LRBA: variants seen among roughly 807,000 people sequenced by gnomAD.
The protein encoded by LRBA is lipopolysaccharide-responsive and beige-like anchor protein.
In LRBA, 176 loss-of-function variants were observed where a neutral mutation model predicts 330.0. That is an observed-to-expected ratio of 0.53 (90% CI 0.47 to 0.60). LRBA has a LOEUF of 0.60. LRBA is among the 20% of genes least tolerant of loss of function. The pLI is 0.00. For missense variants in LRBA, 3,259 were observed against 3,444.8 expected, an observed-to-expected ratio of 0.95 and a Z score of 1.35; for synonymous variants, 1,230 against 1,193.0, an observed-to-expected ratio of 1.03 and a Z score of -0.64.
At chr4:150,472,852 C>G (rs1756300794) in intron 42 of LRBA, among the ~76,000 whole-genome samples, 1 of 151,994 alleles carries the variant, frequency 6.6e-6, no homozygotes, top group African/African-American at 2.4e-5. Flanking sequence ...TGACTAGTAT[C>G]CCACTGTATA....
At chr4:150,797,112 G>C (rs952403964) in intron 34 of LRBA, among the ~76,000 whole-genome samples, 5 of 151,824 alleles carry the variant, frequency 3.3e-5, no homozygotes, top group Non-Finnish European at 5.9e-5. Context: ...ACAATGCATA[G>C]TATTGATTTT....
intron 2 of LRBA, among the ~76,000 whole-genome samples, chr4:150,950,630 T>C (rs1480443758): frequency 2.0e-5 from 3 of 152,200 alleles, no homozygotes; most frequent in Admixed American, 1.3e-4. Context: ...AATATCCTTA[T>C]GTAGGGAGAT....
intron 41 of LRBA, among the ~76,000 whole-genome samples, chr4:150,489,490 A>T (rs1451166349): frequency 2.2e-4 from 16 of 73,174 alleles, no homozygotes; most frequent in African/African-American, 6.0e-4. Flanking sequence ...AAGAATATAT[A>T]ATATATTATA....
rs1579168896 is a variant in LRBA, at chr4:150,908,746, C to T, written c.1273G>A (p.Ala425Thr). Residue 425 changes from alanine to threonine, a missense_variant, in exon 10 of 57, where the codon GCT becomes ACT. Ala to Thr is a moderately conservative substitution (Grantham distance 58). Transcript: ENST00000651943. The part of the protein sequence containing the change: ...SAIAFTYNPR[A>T]TDAQLCLESS... ...TCAAGACAAAGCTGGGCATCTGTAG[C>T]CCGTGGATTGTACGTGAATGCAATG... 6.2e-7 allele frequency: 1 copy of T among 1,613,872 alleles called. No individual in the cohort carries two copies. Among genetic ancestry groups the T allele is most frequent in the Non-Finnish European group, 8.5e-7 (1 of 1,179,810 alleles).
chr4:150,993,888 T>C (rs2149633472), intron 2 of LRBA, among the ~76,000 whole-genome samples: 1 of 151,408 alleles, frequency 6.6e-6, no homozygotes, highest in African/African-American at 2.4e-5. Context: ...CAAAACCATA[T>C]CACCCATCCC....
chr4:150,537,182 C>T (rs1299853328), intron 40 of LRBA, among the ~76,000 whole-genome samples: 1 of 152,128 alleles, frequency 6.6e-6, no homozygotes, highest in Non-Finnish European at 1.5e-5. Flanking sequence ...AGCTGCACAC[C>T]TACAACAAAA....
chr4:150,539,083 C>T (rs1765022762), intron 40 of LRBA, among the ~76,000 whole-genome samples: 1 of 151,998 alleles, frequency 6.6e-6, no homozygotes, highest in South Asian at 2.1e-4. Flanking sequence ...TCAAGCAATT[C>T]TCCTGCTTCA....
intron 22 of LRBA, among the ~76,000 whole-genome samples, chr4:150,860,805 G>A (rs1482208326): frequency 6.6e-6 from 1 of 151,266 alleles, no homozygotes; most frequent in Admixed American, 6.6e-5. Flanking sequence ...GACAGAGCGA[G>A]ACTCCGTCTC....
rs1185566887 is a variant in LRBA at position 150,489,046 on chromosome 4, A to ATTC, written c.6449-1213_6449-1212insGAA. On this transcript the variant is annotated intron_variant, in intron 41 of 56. Coordinates refer to ENST00000651943, the MANE Select transcript of LRBA (RefSeq NM_001364905.1). ...TAAGAATATATATTATATATAATATATTATATATAAGAATATATAATATAT... is the reference window on the plus strand; with the variant it reads ...TAAGAATATATATTATATATAATATATTCTTATATATAAGAATATATAATATAT... Among the ~76,000 whole-genome samples the ATTC allele has an allele frequency of 3.6e-5, 4 of 110,100 alleles. No homozygotes were observed. In the South Asian group the frequency reaches 1.0e-3, roughly 28 times the overall value. 72.2% of individuals were successfully genotyped at this position (110,100 alleles called of 152,430 possible). A position where few individuals can be genotyped will look rare whatever the true frequency, so the allele number is the denominator to read the frequency against.
At chr4:150,457,544 A>G (rs1159391265) in intron 44 of LRBA, among the ~76,000 whole-genome samples, 1 of 152,060 alleles carries the variant, frequency 6.6e-6, no homozygotes, top group Non-Finnish European at 1.5e-5. Flanking sequence ...CATACAAAGT[A>G]ACTTTTAAAA....
chr4:150,634,798 T>C lies in LRBA; in HGVS notation c.5922-35667A>G, dbSNP rs377546670. Among the ~76,000 whole-genome samples the C allele has an allele frequency of 9.2e-5, 14 of 152,310 alleles. No individual in the cohort carries two copies. The East Asian group carries it at 2.3e-3, about 25-fold the overall frequency. Reference sequence around the variant, plus strand: ...CTAACTGACCAAACAAAGAGGCTGATAAATACAGTTTCTCAGAAAGAAACA... The same window carrying C: ...CTAACTGACCAAACAAAGAGGCTGACAAATACAGTTTCTCAGAAAGAAACA... On this transcript the variant is annotated intron_variant, in intron 37 of 56. Transcript: ENST00000651943.
chr4:150,806,279 T>C lies in LRBA; in HGVS notation c.5510A>G (p.Glu1837Gly), dbSNP rs2126715670. ...LGSHGQELLI[E>G]GTSLVCMKSS... ...AAAGAAAAACCACTTACTTGTTCCT[T>C]CTATAAGCAGTTCTTGTCCATGGCT... is the stretch of plus-strand genomic sequence containing the variant. The change falls in exon 33 of 57, where the codon GAA (glutamate) becomes GGA (glycine). Residue 1837 changes from glutamate to glycine, a missense_variant. Transcript: ENST00000651943. The C allele has an allele frequency of 6.3e-7, 1 of 1,581,192 alleles. No homozygotes were observed. The highest frequency in any genetic ancestry group is 1.2e-5 in the South Asian group (1 of 84,172).
At chr4:150,506,033 G>A (rs1471703944) in intron 40 of LRBA, among the ~76,000 whole-genome samples, 2 of 152,176 alleles carry the variant, frequency 1.3e-5, no homozygotes, top group East Asian at 3.9e-4. Flanking sequence ...CCAGGAAGAA[G>A]TTGAATCTCT....
chr4:150,674,540 A>G (rs1017000264), intron 37 of LRBA, among the ~76,000 whole-genome samples: 10 of 152,174 alleles, frequency 6.6e-5, no homozygotes, highest in African/African-American at 9.7e-5. Flanking sequence ...GGCTCAGTAA[A>G]TCCCTGGCAA....
At chr4:150,278,064 C>G in intron 55 of LRBA, 60 bp from the exon 56 acceptor site, 1 of 1,518,980 alleles carries the variant, frequency 6.6e-7, no homozygotes. Flanking sequence ...GGCCCCCACC[C>G]TGTTTTTGAG....
At chr4:150,573,078 T>C (rs1770065535) in intron 40 of LRBA, among the ~76,000 whole-genome samples, 1 of 152,144 alleles carries the variant, frequency 6.6e-6, no homozygotes. Flanking sequence ...TTGACTAGGC[T>C]TGCCTGTAGA....
chr4:150,606,269 T>A (rs905870104), intron 37 of LRBA, among the ~76,000 whole-genome samples: 3 of 152,174 alleles, frequency 2.0e-5, no homozygotes, highest in Non-Finnish European at 4.4e-5. Flanking sequence ...TCTGGTGTTA[T>A]ACTACCAGTT....
At chr4:150,289,196 A>G (rs1255647056) in intron 53 of LRBA, among the ~76,000 whole-genome samples, 1 of 152,196 alleles carries the variant, frequency 6.6e-6, no homozygotes, top group Non-Finnish European at 1.5e-5. Context: ...GTAAACTCGT[A>G]AGATTTTTAT....
chr4:150,351,269 C>A (rs1737117368), intron 47 of LRBA, among the ~76,000 whole-genome samples: 1 of 152,104 alleles, frequency 6.6e-6, no homozygotes, highest in Admixed American at 6.5e-5. Flanking sequence ...AACTATCCAT[C>A]TTTATATTAT....
Sources: allele counts gnomAD v4.1 joint callset (sites outside exome capture counted in the v4.1 genomes callset), GRCh38; gene constraint gnomAD v4.1.1; transcripts MANE v1.5; gene names NCBI Gene and HGNC (gene_info 2026-07-23, HGNC 2026-07-21).